LOC400499: variants seen among roughly 807,000 people sequenced by gnomAD.
At chr16:11,387,201 G>A in the LOC400499 span, 3 of 1,232,192 alleles carry the variant, frequency 2.4e-6, no homozygotes, top group South Asian at 1.2e-4. Context: ...GGCCGCAGCA[G>A]CTTCTCCTCC....
At chr16:11,458,255 G>A in the LOC400499 span, among the ~76,000 whole-genome samples, 81 of 152,258 alleles carry the variant, frequency 5.3e-4, no homozygotes, top group Admixed American at 4.8e-3. Context: ...CTGAGGCAGG[G>A]AGAATTGCTT....
At chr16:11,468,171 G>C in the LOC400499 span, among the ~76,000 whole-genome samples, 1 of 152,138 alleles carries the variant, frequency 6.6e-6, no homozygotes, top group African/African-American at 2.4e-5. Flanking sequence ...AGAACTGTGA[G>C]AACAAATTCC....
the LOC400499 span, chr16:11,425,237 G>T: frequency 1.3e-5 from 5 of 398,910 alleles, no homozygotes; most frequent in Non-Finnish European, 2.2e-5. Flanking sequence ...GGGCCCGGAT[G>T]CTGGCCTGGG....
At chr16:11,487,379 G>T in the LOC400499 span, 7 of 399,056 alleles carry the variant, frequency 1.8e-5, no homozygotes, top group Non-Finnish European at 2.6e-5. Flanking sequence ...CTCCCAGGCT[G>T]CCAGACACTA....
chr16:11,417,091 C>T, the LOC400499 span, among the ~76,000 whole-genome samples: 1 of 150,616 alleles, frequency 6.6e-6, no homozygotes, highest in Non-Finnish European at 1.5e-5. Context: ...CCGTGTCCCC[C>T]AAAAAGAGAT....
the LOC400499 span, among the ~76,000 whole-genome samples, chr16:11,395,635 T>C: frequency 6.6e-6 from 1 of 152,218 alleles, no homozygotes; most frequent in African/African-American, 2.4e-5. Flanking sequence ...AAGCACCTGC[T>C]ACATGCAGAT....
At chr16:11,384,625 C>T in the LOC400499 span, among the ~76,000 whole-genome samples, 2 of 152,186 alleles carry the variant, frequency 1.3e-5, no homozygotes, top group Admixed American at 1.3e-4. Context: ...GGCAGAGGGA[C>T]GACAGAAGGG....
chr16:11,447,717 ACT>A, the LOC400499 span, among the ~76,000 whole-genome samples: 1 of 151,960 alleles, frequency 6.6e-6, no homozygotes, highest in Non-Finnish European at 1.5e-5. Flanking sequence ...GAGACTCTTA[ACT>A]CTGCTCCCAC....
At chr16:11,383,501 G>A in the LOC400499 span, 2 of 958,234 alleles carry the variant, frequency 2.1e-6, no homozygotes, top group Non-Finnish European at 2.7e-6. Flanking sequence ...CAAACAGGCA[G>A]TCTTAATAAA....
the LOC400499 span, among the ~76,000 whole-genome samples, chr16:11,477,133 G>T: frequency 6.6e-6 from 1 of 152,238 alleles, no homozygotes; most frequent in East Asian, 1.9e-4. Context: ...CCCTTTTATG[G>T]ATGGGGAAAC....
the LOC400499 span, among the ~76,000 whole-genome samples, chr16:11,377,021 G>A: frequency 2.0e-5 from 3 of 148,460 alleles, no homozygotes; most frequent in Admixed American, 6.8e-5. Context: ...CATAATCATC[G>A]TCAAAACTGA....
At chr16:11,446,975 G>T in the LOC400499 span, 1 of 1,480,642 alleles carries the variant, frequency 6.8e-7, no homozygotes, top group Non-Finnish European at 9.0e-7. Flanking sequence ...GGGGACAATT[G>T]TGCCCCACGG....
the LOC400499 span, chr16:11,435,862 C>T: frequency 2.5e-6 from 1 of 399,194 alleles, no homozygotes. Context: ...CTCTGTAGCG[C>T]CCGGCAGCTG....
At chr16:11,383,611 G>A in the LOC400499 span, 4 of 1,232,158 alleles carry the variant, frequency 3.2e-6, no homozygotes, top group South Asian at 4.1e-5. Context: ...TGCCAGACGG[G>A]GCAGAGTGCT....
the LOC400499 span, among the ~76,000 whole-genome samples, chr16:11,444,377 G>A: frequency 6.6e-6 from 1 of 152,272 alleles, no homozygotes; most frequent in Non-Finnish European, 1.5e-5. Context: ...CCTCCAGCCT[G>A]GGTGACAGAG....
chr16:11,407,480 G>T, the LOC400499 span: 1 of 395,774 alleles, frequency 2.5e-6, no homozygotes, highest in Non-Finnish European at 4.4e-6. Context: ...ACAACTCCCT[G>T]GGCTGGATGA....
the LOC400499 span, among the ~76,000 whole-genome samples, chr16:11,462,670 G>A: frequency 6.6e-6 from 1 of 152,026 alleles, no homozygotes; most frequent in African/African-American, 2.4e-5. Context: ...TGATCCACCC[G>A]CCCTGGCCTT....
the LOC400499 span, among the ~76,000 whole-genome samples, chr16:11,481,758 G>C: frequency 2.0e-5 from 3 of 152,064 alleles, no homozygotes; most frequent in Non-Finnish European, 2.9e-5. Flanking sequence ...TCAGCCTCCA[G>C]AATATCTGGT....
the LOC400499 span, among the ~76,000 whole-genome samples, chr16:11,452,668 T>A: frequency 1.3e-5 from 2 of 152,168 alleles, no homozygotes; most frequent in African/African-American, 4.8e-5. Context: ...GTGTAGAGTC[T>A]TTCCATGAGG....
Sources: allele counts gnomAD v4.1 joint callset (sites outside exome capture counted in the v4.1 genomes callset), GRCh38; gene constraint gnomAD v4.1.1; transcripts MANE v1.5.